Variants in TEX11 observed in about 807,000 individuals in gnomAD.
The protein encoded by TEX11 is testis-expressed protein 11.
TEX11 carries 7 observed loss-of-function variants against 84.4 expected under a neutral mutation model. That is an observed-to-expected ratio of 0.08 (90% CI 0.05 to 0.16). TEX11 has a LOEUF of 0.16. Among genes scored for constraint, TEX11 ranks in the 10% least tolerant of loss-of-function variants. The pLI is 1.00. For missense variants in TEX11, 551 were observed against 660.5 expected, an observed-to-expected ratio of 0.83 and a Z score of 1.82; for synonymous variants, 264 against 222.8, an observed-to-expected ratio of 1.18 and a Z score of -1.64.
At chrX:70,539,039 T>TA (rs1555978760) in intron 28 of TEX11, among the ~76,000 whole-genome samples, 386 of 16,600 alleles carry the variant, frequency 0.023, 6 homozygotes, top group East Asian at 0.13. Context: ...TATATATATA[T>TA]TTTTTTTTTT....
At chrX:70,673,834 GTTGAAA>G (rs1210641213) in intron 15 of TEX11, among the ~76,000 whole-genome samples, 2 of 111,999 alleles carry the variant, frequency 1.8e-5, no homozygotes, top group African/African-American at 6.5e-5. Flanking sequence ...TATAAAAAGT[GTTGAAA>G]TTGAATAGGG....
chrX:70,542,772 G>A (rs1443897328), intron 28 of TEX11, among the ~76,000 whole-genome samples: 1 of 112,249 alleles, frequency 8.9e-6, no homozygotes, highest in Non-Finnish European at 1.9e-5. Flanking sequence ...AAAAAAGTCA[G>A]TCAAACAAAG....
At chrX:70,648,463 T>C (rs1205155901) in intron 17 of TEX11, among the ~76,000 whole-genome samples, 2 of 110,772 alleles carry the variant, frequency 1.8e-5, no homozygotes, top group East Asian at 5.6e-4. Flanking sequence ...GATCAATATA[T>C]ATATAATTTT....
downstream of TEX11, among the ~76,000 whole-genome samples, chrX:70,527,363 T>G (rs1471342178): frequency 9.1e-6 from 1 of 109,919 alleles, no homozygotes; most frequent in Non-Finnish European, 1.9e-5. Flanking sequence ...GCTGGTATGA[T>G]GCACTGAGAA....
chrX:70,749,753 T>C (rs1167648608), intron 9 of TEX11, among the ~76,000 whole-genome samples: 1 of 106,526 alleles, frequency 9.4e-6, no homozygotes. Context: ...GAACCAGCCT[T>C]GCATCCCAGG....
At chrX:70,572,321 G>A (rs764690898) in intron 25 of TEX11, among the ~76,000 whole-genome samples, 78 of 111,791 alleles carry the variant, frequency 7.0e-4, no homozygotes, top group Non-Finnish European at 1.3e-3. Context: ...ACACCAGTTA[G>A]AATGGCGATT....
chrX:70,648,295 G>A (rs1476848397), intron 17 of TEX11, among the ~76,000 whole-genome samples: 4 of 110,494 alleles, frequency 3.6e-5, no homozygotes, highest in South Asian at 7.8e-4. Context: ...ATAGCATTAG[G>A]AGATATACCT....
chrX:70,743,704 C>T (rs2090748387), intron 10 of TEX11, among the ~76,000 whole-genome samples: 1 of 110,462 alleles, frequency 9.1e-6, no homozygotes, highest in Non-Finnish European at 1.9e-5. Context: ...GGCAGAACCC[C>T]GTCTCTGCTA....
chrX:70,769,054 A>G (rs2090957132), intron 9 of TEX11, among the ~76,000 whole-genome samples: 1 of 111,508 alleles, frequency 9.0e-6, no homozygotes, highest in Non-Finnish European at 1.9e-5. Flanking sequence ...ACACACCAAA[A>G]CTTAGGAGGT....
intron 17 of TEX11, among the ~76,000 whole-genome samples, chrX:70,635,202 A>G (rs1312810280): frequency 8.9e-6 from 1 of 112,234 alleles, no homozygotes; most frequent in Non-Finnish European, 1.9e-5. Context: ...CAGCTTTTTA[A>G]TACCCATGTC....
At chrX:70,607,549 A>G in intron 22 of TEX11, among the ~76,000 whole-genome samples, 1 of 110,240 alleles carries the variant, frequency 9.1e-6, no homozygotes, top group Non-Finnish European at 1.9e-5. Flanking sequence ...CCACCACTGC[A>G]CTCCAGTCTG....
At chrX:70,813,093 T>C (rs2091266696) in intron 8 of TEX11, among the ~76,000 whole-genome samples, 1 of 111,551 alleles carries the variant, frequency 9.0e-6, no homozygotes, top group Non-Finnish European at 1.9e-5. Flanking sequence ...CCTAACTCAT[T>C]TCATGAGGCC....
intron 28 of TEX11, among the ~76,000 whole-genome samples, chrX:70,543,571 A>G (rs2088076167): frequency 8.9e-6 from 1 of 112,518 alleles, no homozygotes; most frequent in Non-Finnish European, 1.9e-5. Context: ...TATTCATCCG[A>G]GAAGACAGTA....
At chrX:70,775,443 A>G (rs1207168732) in intron 9 of TEX11, among the ~76,000 whole-genome samples, 1 of 111,241 alleles carries the variant, frequency 9.0e-6, no homozygotes, top group East Asian at 2.8e-4. Context: ...TTCATTCTAC[A>G]AGGGACTAAT....
At chrX:70,584,155 C>T (rs1415743954) in intron 25 of TEX11, among the ~76,000 whole-genome samples, 6 of 107,814 alleles carry the variant, frequency 5.6e-5, no homozygotes, top group East Asian at 2.9e-4. Context: ...CGGTGGCGGG[C>T]GCCTGTAGTC....
At chrX:70,591,290 G>GA (rs934594400) in intron 25 of TEX11, among the ~76,000 whole-genome samples, 8 of 110,618 alleles carry the variant, frequency 7.2e-5, no homozygotes, top group African/African-American at 2.0e-4. Context: ...ATAGAGTGGG[G>GA]AAAAAATCAG....
At chrX:70,536,516 C>T (rs746209201) in intron 28 of TEX11, among the ~76,000 whole-genome samples, 2 of 110,787 alleles carry the variant, frequency 1.8e-5, no homozygotes, top group East Asian at 5.6e-4. Flanking sequence ...TGCTATAACG[C>T]CCCTCAGTTT....
chrX:70,902,289 G>GTA (rs1378014557), intron 2 of TEX11, among the ~76,000 whole-genome samples: 3 of 110,860 alleles, frequency 2.7e-5, no homozygotes, highest in Non-Finnish European at 5.7e-5. Flanking sequence ...ATAAAAAAAG[G>GTA]TACACCTGTA....
At chrX:70,694,471 T>C (rs190628145) in intron 13 of TEX11, among the ~76,000 whole-genome samples, 54 of 111,901 alleles carry the variant, frequency 4.8e-4, no homozygotes, top group East Asian at 4.8e-3. Context: ...AAAAAAATGC[T>C]CAACATTATT....
Sources: allele counts gnomAD v4.1 joint callset (sites outside exome capture counted in the v4.1 genomes callset), GRCh38; gene constraint gnomAD v4.1.1; transcripts MANE v1.5; gene names NCBI Gene and HGNC (gene_info 2026-07-23, HGNC 2026-07-21).